Variants in EDEM2 observed in about 807,000 individuals in gnomAD.
EDEM2 encodes the protein ER degradation enhancing alpha-mannosidase like protein 2, also known as ER degradation-enhancing alpha-mannosidase-like protein 2.
EDEM2 carries 39 observed loss-of-function variants against 64.8 expected under a neutral mutation model. The ratio of observed to expected loss-of-function variants is 0.60; its 90% CI spans 0.47 to 0.79. The LOEUF is 0.79. Ranked by LOEUF, EDEM2 falls within the 30% of genes least tolerant of loss-of-function variation. The probability of loss-of-function intolerance (pLI) is 0.00; values close to 1 mark genes in which losing one functional copy is unlikely to be tolerated. For synonymous variants in EDEM2, 296 were observed against 291.5 expected (o/e 1.02, Z -0.16); for missense variants, 609 against 731.3 (o/e 0.83, Z 1.93).
intron 9 of EDEM2, among the ~76,000 whole-genome samples, chr20:35,121,690 C>G (rs538961515): frequency 6.6e-6 from 1 of 152,318 alleles, no homozygotes; most frequent in African/African-American, 2.4e-5. Flanking sequence ...GTACAGGGCT[C>G]TGGCCAATTT....
chr20:35,116,640 A>C (rs2146083316), intron 10 of EDEM2, among the ~76,000 whole-genome samples: 1 of 152,298 alleles, frequency 6.6e-6, no homozygotes, highest in South Asian at 2.1e-4. Context: ...GCTCTATGAC[A>C]TGACAATCTC....
chr20:35,123,891 T>C lies in EDEM2; in HGVS notation c.1113A>G (p.Pro371=), dbSNP rs767488373. Residue 371 remains proline, a splice_region_variant and synonymous_variant, in exon 9 of 11, where the codon CCA becomes CCG. Coordinates refer to ENST00000374492, the MANE Select transcript of EDEM2 (RefSeq NM_018217.3). ...VEKREGYPLR[P]ELIESAMYLY... ...TGACAAGCCAGAAATGCTGCTCACCTGGCCGAAGTGGGTAGCCCTCTCGCT... is the reference window on the plus strand; with the variant it reads ...TGACAAGCCAGAAATGCTGCTCACCCGGCCGAAGTGGGTAGCCCTCTCGCT... 6.2e-7 allele frequency: 1 copy of C among 1,613,792 alleles called. No homozygotes were observed. Among genetic ancestry groups the C allele is most frequent in the Non-Finnish European group, 8.5e-7 (1 of 1,179,908 alleles).
chr20:35,115,683 C>A lies in EDEM2; in HGVS notation c.1487G>T (p.Trp496Leu). The A allele has an allele frequency of 6.2e-7, 1 of 1,614,226 alleles. No individual in the cohort carries two copies. Among genetic ancestry groups the A allele is most frequent in the Non-Finnish European group, 8.5e-7 (1 of 1,180,034 alleles). ...TTCCCTCATCAAGTCCTCCACCTCCCACTGCTCTTCCTTCAGCCTCTGGCA... is the reference window on the plus strand; with the variant it reads ...TTCCCTCATCAAGTCCTCCACCTCCAACTGCTCTTCCTTCAGCCTCTGGCA... ...HCCQRLKEEQ[W>L]EVEDLMREFY... The change falls in exon 11 of 11, where the codon TGG (tryptophan) becomes TTG (leucine). Residue 496 changes from tryptophan to leucine, a missense_variant. Transcript: ENST00000374492.
intron 7 of EDEM2, among the ~76,000 whole-genome samples, chr20:35,130,028 T>C (rs2085487154): frequency 1.3e-5 from 2 of 152,194 alleles, no homozygotes; most frequent in Admixed American, 6.5e-5. Flanking sequence ...ACTGTTTTCC[T>C]ATACATACAC....
At chr20:35,133,986 G>C (rs1297072587) in intron 6 of EDEM2, 17 of 412,702 alleles carry the variant, frequency 4.1e-5, no homozygotes, top group South Asian at 3.0e-4. Context: ...ACACAGTTTC[G>C]ATGTAGCAAG....
In EDEM2 at chr20:35,115,684, A is replaced by G; in HGVS notation, c.1486T>C (p.Trp496Arg). ...HCCQRLKEEQ[W>R]EVEDLMREFY... ...TCCCTCATCAAGTCCTCCACCTCCC[A>G]CTGCTCTTCCTTCAGCCTCTGGCAG... Residue 496 changes from tryptophan to arginine, a missense_variant, in exon 11 of 11, where the codon TGG becomes CGG. Physicochemically the swap from Trp to Arg is moderately radical, Grantham distance 101 (BLOSUM62 -3). Transcript: ENST00000374492. 1 of 1,614,094 alleles carries G rather than the reference A, an allele frequency of 6.2e-7. No individual in the cohort carries two copies. The highest frequency in any genetic ancestry group is 8.5e-7 in the Non-Finnish European group (1 of 1,180,006).
At chr20:35,131,922 G>A in intron 6 of EDEM2, 139 bp from the exon 7 acceptor site, 1 of 1,003,318 alleles carries the variant, frequency 1.0e-6, no homozygotes, top group Non-Finnish European at 1.4e-6. Context: ...GACCCTGAGA[G>A]GGAAGGGCAA....
At chr20:35,133,391 T>A (rs1433245389) in intron 6 of EDEM2, among the ~76,000 whole-genome samples, 2 of 150,938 alleles carry the variant, frequency 1.3e-5, no homozygotes, top group Admixed American at 6.6e-5. Context: ...ACCAACAGAG[T>A]CTACTACGGT....
chr20:35,136,724 C>A (rs559974968), intron 5 of EDEM2, among the ~76,000 whole-genome samples: 1 of 140,870 alleles, frequency 7.1e-6, no homozygotes, highest in Non-Finnish European at 1.5e-5. Context: ...CACTGCACTC[C>A]AGCCTGGGCG....
Position 35,134,889 on chromosome 20 carries a change from G to A in EDEM2, c.551C>T (p.Pro184Leu). 6.2e-7 allele frequency: 1 copy of A among 1,614,136 alleles called. No individual in the cohort carries two copies. The highest frequency in any genetic ancestry group is 8.5e-7 in the Non-Finnish European group (1 of 1,180,038). Residue 184 changes from proline (P) to leucine (L), a missense_variant, in exon 6 of 11, where the codon CCA (proline) becomes CTA (leucine). Coordinates refer to ENST00000374492, the MANE Select transcript of EDEM2 (RefSeq NM_018217.3). ...GTVNLLHGVN[P>L]GETPVTCTAG... ...CGTACAGGTGACAGGGGTCTCTCCT[G>A]GGTTCACGCCATGAAGTAAGTTCAC...
In EDEM2 at chr20:35,147,238, G is replaced by C. The variant is rs1426529482; in HGVS notation, c.21C>G (p.Ile7Met). 6.3e-7 allele frequency: 1 copy of C among 1,594,010 alleles called. No homozygotes were observed. The highest frequency in any genetic ancestry group is 1.3e-5 in the African/African-American group (1 of 74,430). The change falls in exon 1 of 11, where the codon ATC becomes ATG. Residue 7 changes from isoleucine (I) to methionine (M), a missense_variant. Coordinates refer to ENST00000374492, the MANE Select transcript of EDEM2 (RefSeq NM_018217.3). ...GCAGCGCGCACAGGAGGCCGAGCGGGATGAGCAGCCGGAAAGGCATAGAGC... is the reference window on the plus strand; with the variant it reads ...GCAGCGCGCACAGGAGGCCGAGCGGCATGAGCAGCCGGAAAGGCATAGAGC... Reference protein sequence around the residue: MPFRLLIPLGLLCALLP... With the variant: MPFRLLMPLGLLCALLP...
In EDEM2 at chr20:35,134,808, T is replaced by C. The variant is rs752611923; in HGVS notation, c.632A>G (p.Asp211Gly). The C allele has an allele frequency of 6.2e-7, 1 of 1,613,862 alleles. No homozygotes were observed. Among genetic ancestry groups the C allele is most frequent in the Non-Finnish European group, 8.5e-7 (1 of 1,179,990 alleles). The change falls in exon 6 of 11, where the codon GAC (aspartate) becomes GGC (glycine). Residue 211 changes from aspartate (D) to glycine (G), a missense_variant. Coordinates refer to ENST00000374492, the MANE Select transcript of EDEM2 (RefSeq NM_018217.3). ...EFATLSSLTG[D>G]PVFEDVARVA... ...TCTGGCCACATCTTCGAACACCGGG[T>C]CACCAGTGAGGCTGCTCAGGGTGGC... is the stretch of plus-strand genomic sequence containing the variant.
At chr20:35,128,492 G>A (rs1346314644) in intron 7 of EDEM2, among the ~76,000 whole-genome samples, 1 of 149,770 alleles carries the variant, frequency 6.7e-6, no homozygotes, top group East Asian at 1.9e-4. Context: ...ATTGAACCTG[G>A]GAGGCGGAGG....
Position 35,138,808 on chromosome 20 carries a change from T to C in EDEM2, c.365-803A>G, listed in dbSNP as rs531235984. On this transcript the variant is annotated intron_variant, in intron 4 of 10. Transcript: ENST00000374492. ...ACTGTGCTAGCCAGGATGGTCTCGA[T>C]CTCCTGACCTCATGATCCACCTGCC... is the stretch of plus-strand genomic sequence containing the variant. Among the ~76,000 whole-genome samples, 88 of 151,926 alleles carry C rather than the reference T, an allele frequency of 5.8e-4. 1 individual carries two copies. The highest frequency in any genetic ancestry group is 2.5e-3 in the Admixed American group (38 of 15,244).
At chr20:35,124,892 A>C (rs2085411946) in intron 8 of EDEM2, among the ~76,000 whole-genome samples, 1 of 152,178 alleles carries the variant, frequency 6.6e-6, no homozygotes, top group African/African-American at 2.4e-5. Context: ...TGTCACATCA[A>C]ATAGATGTAA....
chr20:35,118,794 G>A (rs2085337328), intron 9 of EDEM2, 75 bp from the exon 10 acceptor site: 1 of 1,581,588 alleles, frequency 6.3e-7, no homozygotes, highest in African/African-American at 1.4e-5. Flanking sequence ...GGGCCGTGAG[G>A]GACTACTCCC....
At position 35,131,785 on chromosome 20, in the gene EDEM2, TGAGA is replaced by T. The variant is rs2085509168; in HGVS notation, c.703-6_703-3del. ...GAGCACATCAATGTGGTTGCCGACC[TGAGA>T]GAGAGAAAGACACACGGTCCCAACG... is the stretch of plus-strand genomic sequence containing the variant. On this transcript the variant is annotated splice_region_variant and splice_polypyrimidine_tract_variant and intron_variant, in intron 6 of 10. Transcript: ENST00000374492. 5 of 1,613,036 alleles carry T rather than the reference TGAGA, an allele frequency of 3.1e-6. No individual in the cohort carries two copies. Among genetic ancestry groups the T allele is most frequent in the South Asian group, 1.1e-5 (1 of 91,050 alleles).
rs2085671530 is a variant in EDEM2, at chr20:35,142,553, T to C, written c.259-75A>G. On this transcript the variant is annotated intron_variant, in intron 3 of 10. Coordinates refer to ENST00000374492, the MANE Select transcript of EDEM2 (RefSeq NM_018217.3). Reference sequence around the variant, plus strand: ...CAGATTCAGAGTCTGGGATCCTATGTTGATGTGGCCCTCACTAATTCCACT... The same window carrying C: ...CAGATTCAGAGTCTGGGATCCTATGCTGATGTGGCCCTCACTAATTCCACT... 3 of 1,124,556 alleles carry C rather than the reference T, an allele frequency of 2.7e-6. No homozygotes were observed. In the South Asian group the frequency reaches 3.9e-5, roughly 15 times the overall value. The allele number at this position is 1,124,556 out of a possible 1,614,324, so 69.7% of individuals were successfully genotyped here.
In EDEM2 at chr20:35,134,859, C is replaced by G; in HGVS notation, c.581G>C (p.Gly194Ala). ...PGETPVTCTA[G>A]IGTFIVEFAT... ...AAATTCAACAATGAAGGTCCCAATC[C>G]CTGCCGTACAGGTGACAGGGGTCTC... The change falls in exon 6 of 11, where the codon GGG (glycine) becomes GCG (alanine). Residue 194 changes from glycine to alanine, a missense_variant. By Grantham distance (60) the Gly-to-Ala change is moderately conservative. Coordinates refer to ENST00000374492, the MANE Select transcript of EDEM2 (RefSeq NM_018217.3). The G allele has an allele frequency of 1.2e-6, 2 of 1,614,136 alleles. No individual in the cohort carries two copies. Among genetic ancestry groups the G allele is most frequent in the African/African-American group, 1.3e-5 (1 of 75,016 alleles).
Sources: gnomAD v4.1 joint callset for allele counts (sites outside exome capture counted in the v4.1 genomes callset) on GRCh38, gnomAD v4.1.1 for gene constraint, MANE v1.5 for transcripts, NCBI Gene and HGNC (gene_info 2026-07-23, HGNC 2026-07-21) for gene names.